The following TVP23B variants were observed in gnomAD, a reference collection of about 807,000 sequenced individuals.
The protein encoded by TVP23B is trans-golgi network vesicle protein 23 homolog B, also known as Golgi apparatus membrane protein TVP23 homolog B.
A neutral mutation model predicts 30.6 loss-of-function variants in TVP23B; 10 were observed. The ratio of observed to expected loss-of-function variants is 0.33; its 90% confidence interval spans 0.20 to 0.55. TVP23B has a LOEUF of 0.55. Ranked by LOEUF, TVP23B falls within the 20% of genes least tolerant of loss-of-function variation. TVP23B has a pLI of 0.91. For synonymous variants in TVP23B, 67 were observed against 83.1 expected (o/e 0.81, Z 1.06); for missense variants, 153 against 243.2 (o/e 0.63, Z 2.47).
intron 3 of TVP23B, among the ~76,000 whole-genome samples, chr17:18,794,253 G>A (rs2036042151): frequency 6.6e-6 from 1 of 152,166 alleles, no homozygotes; most frequent in South Asian, 2.1e-4. Context: ...ATACTTTCTT[G>A]TTAAATGCCT....
chr17:18,789,573 G>C (rs1597616507), intron 2 of TVP23B, 138 bp downstream of exon 2: 2 of 1,151,934 alleles, frequency 1.7e-6, no homozygotes, highest in African/African-American at 3.1e-5. Flanking sequence ...TTGACGTTTA[G>C]TGTACGACAA....
intron 5 of TVP23B, among the ~76,000 whole-genome samples, chr17:18,803,793 G>T (rs1371140832): frequency 1.3e-5 from 2 of 152,128 alleles, no homozygotes; most frequent in African/African-American, 4.8e-5. Context: ...CCTTTCCTGA[G>T]TCTCATTTAC....
intron 1 of TVP23B, among the ~76,000 whole-genome samples, chr17:18,785,552 G>T (rs1179798617): frequency 7.9e-5 from 12 of 152,022 alleles, no homozygotes; most frequent in Non-Finnish European, 2.9e-5. Context: ...ACCTGACGGG[G>T]CCCAAGTTTG....
Position 18,783,088 on chromosome 17 carries a change from T to TATTG in TVP23B, c.12+1799_12+1802dup, listed in dbSNP as rs1206683586. On this transcript the variant is annotated intron_variant, in intron 1 of 6. Coordinates refer to ENST00000307767, the MANE Select transcript of TVP23B (RefSeq NM_016078.6). ...TGACTGTTCCCACTATTTATTTATT[T>TATTG]ATTGATTGATTGATTGATTCATTCA... Among the ~76,000 whole-genome samples, 291 of 107,872 alleles carry TATTG rather than the reference T, an allele frequency of 2.7e-3. 81 individuals carry two copies. The highest frequency in any genetic ancestry group is 4.7e-3 in the Non-Finnish European group (232 of 48,972). The allele number at this position is 107,872 out of a possible 152,430, so 70.8% of individuals were successfully genotyped here. A position where few individuals can be genotyped will look rare whatever the true frequency, so the allele number is the denominator to read the frequency against.
intron 1 of TVP23B, among the ~76,000 whole-genome samples, chr17:18,783,698 G>A (rs1250552151): frequency 6.6e-6 from 1 of 152,132 alleles, no homozygotes; most frequent in Non-Finnish European, 1.5e-5. Flanking sequence ...CCATTCTTAG[G>A]TCTTCCTGTC....
At chr17:18,787,440 A>G (rs2035925726) in intron 1 of TVP23B, among the ~76,000 whole-genome samples, 1 of 150,314 alleles carries the variant, frequency 6.7e-6, no homozygotes, top group Non-Finnish European at 1.5e-5. Flanking sequence ...TAGGTCCTCC[A>G]GCAGCTTAAT....
chr17:18,800,865 T>C (rs1223686091), intron 5 of TVP23B, among the ~76,000 whole-genome samples: 2 of 152,272 alleles, frequency 1.3e-5, no homozygotes, highest in Non-Finnish European at 2.9e-5. Context: ...ACTATTTTCT[T>C]GTTGCTTTAA....
chr17:18,787,344 A>C (rs987912735), intron 1 of TVP23B, among the ~76,000 whole-genome samples: 57 of 148,634 alleles, frequency 3.8e-4, no homozygotes, highest in African/African-American at 1.4e-3. Context: ...TGGAGGTTGC[A>C]GTAAGCTGAG....
intron 3 of TVP23B, among the ~76,000 whole-genome samples, chr17:18,792,913 A>G (rs1484349412): frequency 6.6e-6 from 1 of 152,184 alleles, no homozygotes; most frequent in Non-Finnish European, 1.5e-5. Flanking sequence ...ACTTACTAAA[A>G]AAACAAAAAA....
rs1031003849 is a variant in TVP23B, at chr17:18,804,526, C to T, written c.591+260C>T. 40 of 1,230,696 alleles carry T rather than the reference C, an allele frequency of 3.3e-5. No individual in the cohort carries two copies. In the African/African-American group the frequency reaches 5.0e-4, roughly 15 times the overall value. The allele number at this position is 1,230,696 out of a possible 1,614,324, so 76.2% of individuals were successfully genotyped here. ...ATTTTTTAAAAATTACTTTTAAGTT[C>T]AGTTGTTTTTCATCAATTATGGGAG... On this transcript the variant is annotated intron_variant, in intron 6 of 6. Transcript: ENST00000307767.
Position 18,790,665 on chromosome 17 carries a change from G to T in TVP23B, c.96-231G>T, listed in dbSNP as rs151146447. 7.3e-3 allele frequency among the ~76,000 whole-genome samples: 1,108 copies of T among 152,174 alleles called. 16 individuals carry two copies. Among genetic ancestry groups the T allele is most frequent in the African/African-American group, 0.025 (1,033 of 41,512 alleles). ...TTTTGTGAAAGTTTATATTCAATGA[G>T]GTGTTAAAGTCATCTGTGCATAGTG... On this transcript the variant is annotated intron_variant, in intron 2 of 6. Transcript: ENST00000307767.
At chr17:18,793,741 CAG>C (rs1597619395) in intron 3 of TVP23B, among the ~76,000 whole-genome samples, 1 of 151,838 alleles carries the variant, frequency 6.6e-6, no homozygotes, top group Non-Finnish European at 1.5e-5. Context: ...AAGCTTAAAT[CAG>C]AAAGTACATG....
chr17:18,785,759 A>G (rs1450577478), intron 1 of TVP23B, among the ~76,000 whole-genome samples: 1 of 151,940 alleles, frequency 6.6e-6, no homozygotes, highest in Non-Finnish European at 1.5e-5. Context: ...CAGGAGGCTG[A>G]GATGTAGGAC....
intron 3 of TVP23B, chr17:18,797,122 A>G (rs1443044374): frequency 2.3e-5 from 4 of 176,062 alleles, no homozygotes; most frequent in South Asian, 2.3e-4. Flanking sequence ...AAAGCTATCA[A>G]ACTAATTTAT....
chr17:18,804,446 G>A, intron 6 of TVP23B, 180 bp downstream of exon 6: 17 of 1,259,290 alleles, frequency 1.3e-5, no homozygotes, highest in Non-Finnish European at 1.7e-5. Context: ...TGTATTGTCA[G>A]TATCCTAAAA....
At chr17:18,784,284 C>G (rs1346744967) in intron 1 of TVP23B, among the ~76,000 whole-genome samples, 1 of 152,222 alleles carries the variant, frequency 6.6e-6, no homozygotes, top group Non-Finnish European at 1.5e-5. Flanking sequence ...TCATTCTAGT[C>G]AGTCTCTCTT....
chr17:18,783,764 TTC>T (rs1410188116), intron 1 of TVP23B, among the ~76,000 whole-genome samples: 1 of 152,248 alleles, frequency 6.6e-6, no homozygotes, highest in Non-Finnish European at 1.5e-5. Flanking sequence ...GTTCTAGTAA[TTC>T]TCTTTCTTGT....
chr17:18,804,725 A>C (rs1259503212), intron 6 of TVP23B: 1 of 307,288 alleles, frequency 3.3e-6, no homozygotes, highest in African/African-American at 2.3e-5. Flanking sequence ...AGTAGCTGGG[A>C]TTACAGGCGC....
At chr17:18,791,651 A>G (rs1160735663) in intron 3 of TVP23B, among the ~76,000 whole-genome samples, 4 of 151,730 alleles carry the variant, frequency 2.6e-5, no homozygotes. Flanking sequence ...CCTAACACAC[A>G]GGACGGCCCC....
Sources: gnomAD v4.1 joint callset for allele counts (sites outside exome capture counted in the v4.1 genomes callset) on GRCh38, gnomAD v4.1.1 for gene constraint, MANE v1.5 for transcripts, NCBI Gene and HGNC (gene_info 2026-07-23, HGNC 2026-07-21) for gene names.